EMC1: variants seen among roughly 807,000 people sequenced by gnomAD.
EMC1 encodes the protein ER membrane protein complex subunit 1.
In EMC1, 103 loss-of-function variants were observed where a neutral mutation model predicts 128.8. The ratio of observed to expected loss-of-function variants is 0.80; its 90% confidence interval spans 0.68 to 0.94. EMC1 has a LOEUF of 0.94. Ranked by LOEUF, EMC1 falls within the 40% of genes least tolerant of loss-of-function variation. EMC1 has a pLI of 0.00. For synonymous variants in EMC1, 442 were observed against 490.4 expected (o/e 0.90, Z 1.30); for missense variants, 1,083 against 1,250.6 (o/e 0.87, Z 2.02).
Position 19,235,129 on chromosome 1 carries a change from C to T in EMC1, c.1432+1G>A, listed in dbSNP as rs2151952121. The T allele has an allele frequency of 6.2e-7, 1 of 1,613,516 alleles. No homozygotes were observed. The highest frequency in any genetic ancestry group is 8.5e-7 in the Non-Finnish European group (1 of 1,179,652). On this transcript the variant is annotated splice_donor_variant, in intron 13 of 22. Coordinates refer to ENST00000477853, the MANE Select transcript of EMC1 (RefSeq NM_015047.3). LOFTEE classifies it high-confidence loss of function. ...GCAGCTCCAACCTCTTAGGTTCATA[C>T]CTGCCTTTTTGCCAAATTCTCCTTC...
chr1:19,221,360 T>A (rs1407460553), intron 20 of EMC1: 1 of 152,812 alleles, frequency 6.5e-6, no homozygotes, highest in African/African-American at 2.4e-5. Context: ...AATAGGCCAG[T>A]CGCGGCGGCT....
In EMC1 at chr1:19,238,874, G is replaced by A. The variant is rs373859141; in HGVS notation, c.1027-17C>T. 963 of 1,574,304 alleles carry A rather than the reference G, an allele frequency of 6.1e-4. No individual in the cohort carries two copies. The highest frequency in any genetic ancestry group is 8.1e-4 in the Non-Finnish European group (928 of 1,145,504). On this transcript the variant is annotated splice_polypyrimidine_tract_variant and intron_variant, in intron 9 of 22. Coordinates refer to ENST00000477853, the MANE Select transcript of EMC1 (RefSeq NM_015047.3). ...ACTTTTCTGCTATGAGAAAGAGAAG[G>A]ACAGGAGAAAATTCAGCCAAAGGGT... is the stretch of plus-strand genomic sequence containing the variant.
chr1:19,246,345 G>T (rs59648351), intron 1 of EMC1, among the ~76,000 whole-genome samples: 2 of 151,860 alleles, frequency 1.3e-5, no homozygotes, highest in Non-Finnish European at 2.9e-5. Flanking sequence ...ATCCAAGATC[G>T]TGTCACTGAA....
rs2093514936 is a variant in EMC1, at chr1:19,230,759, GT to G, written c.2064+84del. On this transcript the variant is annotated intron_variant, in intron 17 of 22. Coordinates refer to ENST00000477853, the MANE Select transcript of EMC1 (RefSeq NM_015047.3). ...CTAATCTAAGTTTACAGTAGAATGA[GT>G]AGCATAATTCACTTCTTAGCCAAAT... 2.7e-6 allele frequency: 4 copies of G among 1,505,754 alleles called. No homozygotes were observed. The East Asian group carries it at 9.0e-5, about 34-fold the overall frequency. 93.3% of individuals were successfully genotyped at this position (1,505,754 alleles called of 1,614,324 possible). A position where few individuals can be genotyped will look rare whatever the true frequency, so the allele number is the denominator to read the frequency against.
In EMC1 at chr1:19,251,473, C is replaced by T; in HGVS notation, c.37G>A (p.Ala13Thr). 1 of 1,614,184 alleles carries T rather than the reference C, an allele frequency of 6.2e-7. No individual in the cohort carries two copies. Among genetic ancestry groups the T allele is most frequent in the Non-Finnish European group, 8.5e-7 (1 of 1,180,042 alleles). Residue 13 changes from alanine to threonine, a missense_variant, in exon 1 of 23, where the codon GCT becomes ACT. Physicochemically the swap from Ala to Thr is moderately conservative, Grantham distance 58 (BLOSUM62 0). Coordinates refer to ENST00000477853, the MANE Select transcript of EMC1 (RefSeq NM_015047.3). ...AEWASRFWLWATLLIPAAAVY... is the reference protein window; with the variant it reads ...AEWASRFWLWTTLLIPAAAVY... ...GCGGCCGCAGGAATCAGCAGCGTAGCCCAAAGCCAGAAACGAGAAGCCCAC... is the reference window on the plus strand; with the variant it reads ...GCGGCCGCAGGAATCAGCAGCGTAGTCCAAAGCCAGAAACGAGAAGCCCAC...
At chr1:19,251,240 T>G (rs1381590759) in intron 1 of EMC1, among the ~76,000 whole-genome samples, 175 bp downstream of exon 1, 1 of 152,186 alleles carries the variant, frequency 6.6e-6, no homozygotes, top group African/African-American at 2.4e-5. Flanking sequence ...AAGGCTCTGC[T>G]TCCAACGACT....
intron 5 of EMC1, 24 bp from the exon 6 acceptor site, chr1:19,241,166 C>T (rs1268451962): frequency 6.2e-7 from 1 of 1,613,494 alleles, no homozygotes; most frequent in African/African-American, 1.3e-5. Flanking sequence ...GAAGAAACCG[C>T]AGCGTCAGCT....
At chr1:19,251,301 C>T in intron 1 of EMC1, 114 bp downstream of exon 1, 3 of 982,172 alleles carry the variant, frequency 3.1e-6, no homozygotes, top group East Asian at 2.6e-5. Context: ...TCATTTTGTA[C>T]TGGGTCCTGC....
chr1:19,240,086 G>C lies in EMC1; in HGVS notation c.787-101C>G, dbSNP rs565827589. ...CCCTACTTTGCCGGGGGAAGTAACT[G>C]GGCCATGGCAGGTGGCTCCAAATGC... On this transcript the variant is annotated intron_variant, in intron 7 of 22. Coordinates refer to ENST00000477853, the MANE Select transcript of EMC1 (RefSeq NM_015047.3). 156 of 1,317,764 alleles carry C rather than the reference G, an allele frequency of 1.2e-4. 1 individual carries two copies. Among genetic ancestry groups the C allele is most frequent in the East Asian group, 1.5e-4 (6 of 40,570 alleles). The allele number at this position is 1,317,764 out of a possible 1,614,324, so 81.6% of individuals were successfully genotyped here.
chr1:19,242,932 C>T (rs2093614710), intron 4 of EMC1, among the ~76,000 whole-genome samples: 2 of 152,168 alleles, frequency 1.3e-5, no homozygotes, highest in Admixed American at 1.3e-4. Context: ...ATACAAATGA[C>T]CCTATCATTT....
chr1:19,251,466 A>C lies in EMC1; in HGVS notation c.44T>G (p.Leu15Arg). ...WASRFWLWATLLIPAAAVYED... is the reference protein window; with the variant it reads ...WASRFWLWATRLIPAAAVYED... ...GTAGACCGCGGCCGCAGGAATCAGC[A>C]GCGTAGCCCAAAGCCAGAAACGAGA... The change falls in exon 1 of 23, where the codon CTG becomes CGG. Residue 15 changes from leucine to arginine, a missense_variant. By Grantham distance (102) the Leu-to-Arg change is moderately radical (BLOSUM62 -2). Around this residue, in one of 3 missense-constraint regions of EMC1, gnomAD observed 544 missense variants for 572.4 expected, o/e 0.95. Coordinates refer to ENST00000477853, the MANE Select transcript of EMC1 (RefSeq NM_015047.3). The C allele has an allele frequency of 6.2e-7, 1 of 1,614,178 alleles. No individual in the cohort carries two copies. Among genetic ancestry groups the C allele is most frequent in the Non-Finnish European group, 8.5e-7 (1 of 1,180,050 alleles).
chr1:19,242,541 A>C (rs1402738648), intron 4 of EMC1, 68 bp from the exon 5 acceptor site: 1 of 1,576,484 alleles, frequency 6.3e-7, no homozygotes, highest in Non-Finnish European at 8.7e-7. Flanking sequence ...GACAGTCCAG[A>C]ACAGTACCCA....
intron 12 of EMC1, among the ~76,000 whole-genome samples, chr1:19,235,942 TAG>T: frequency 6.6e-6 from 1 of 152,212 alleles, no homozygotes; most frequent in Middle Eastern, 3.4e-3. Context: ...CCAGATTTTC[TAG>T]AGAGACTCTT....
chr1:19,242,541 A>T, intron 4 of EMC1, 68 bp from the exon 5 acceptor site: 2 of 1,576,484 alleles, frequency 1.3e-6, no homozygotes, highest in Non-Finnish European at 1.7e-6. Context: ...GACAGTCCAG[A>T]ACAGTACCCA....
At chr1:19,246,561 A>T (rs55717136) in intron 1 of EMC1, among the ~76,000 whole-genome samples, 63,876 of 151,746 alleles carry the variant, frequency 0.42, 14,307 homozygotes, top group East Asian at 0.72. Flanking sequence ...GGCATGCCGA[A>T]CACTTGAGGT....
chr1:19,237,398 A>G (rs1054265838), intron 11 of EMC1, among the ~76,000 whole-genome samples, 160 bp from the exon 12 acceptor site: 2 of 152,204 alleles, frequency 1.3e-5, no homozygotes, highest in Admixed American at 6.5e-5. Flanking sequence ...AGTAAGTGAT[A>G]CATATTCTTA....
In EMC1 at chr1:19,243,681, G is replaced by C. The variant is rs148538980; in HGVS notation, c.313C>G (p.Arg105Gly). The stretch of plus-strand genomic sequence containing the variant: ...TTAGTCTCCCAGGAACGCATGATTC[G>C]GCCTCCATTGGACACAGTGATCACA... ...QDVITVSNGG[R>G]IMRSWETNIG... Residue 105 changes from arginine to glycine, a missense_variant, in exon 4 of 23, where the codon CGA (arginine) becomes GGA (glycine). Arg to Gly is a moderately radical substitution (Grantham distance 125). Coordinates refer to ENST00000477853, the MANE Select transcript of EMC1 (RefSeq NM_015047.3). 3 of 1,614,120 alleles carry C rather than the reference G, an allele frequency of 1.9e-6. No individual in the cohort carries two copies. Among genetic ancestry groups the C allele is most frequent in the Non-Finnish European group, 2.5e-6 (3 of 1,180,026 alleles).
At chr1:19,229,980 G>A (rs2093507532) in intron 17 of EMC1, among the ~76,000 whole-genome samples, 2 of 152,212 alleles carry the variant, frequency 1.3e-5, no homozygotes, top group Admixed American at 6.5e-5. Context: ...AGCTGTTTGT[G>A]AGTACACACC....
intron 17 of EMC1, among the ~76,000 whole-genome samples, chr1:19,230,587 G>C (rs76406380): frequency 0.02 from 2,977 of 151,896 alleles, 40 homozygotes; most frequent in South Asian, 0.053. Context: ...AAAAGAAAAA[G>C]AATGTGGAAT....
Sources: gnomAD v4.1 joint callset for allele counts (sites outside exome capture counted in the v4.1 genomes callset) on GRCh38, gnomAD v4.1.1 for gene constraint, gnomAD v4.1.1 regional missense constraint, MANE v1.5 for transcripts, NCBI Gene and HGNC (gene_info 2026-07-23, HGNC 2026-07-21) for gene names.